The following ACADL variants were observed in gnomAD, a reference collection of about 807,000 sequenced individuals.
The protein encoded by ACADL is acyl-CoA dehydrogenase long chain, also known as long-chain specific acyl-CoA dehydrogenase, mitochondrial.
A neutral mutation model predicts 56.9 loss-of-function variants in ACADL; 60 were observed. That is an observed-to-expected ratio of 1.05 (90% CI 0.86 to 1.31). The LOEUF (loss-of-function observed/expected upper bound fraction) is 1.31. ACADL is among the 50% of genes most tolerant of loss of function. The probability of loss-of-function intolerance (pLI) is 0.00; values close to 1 mark genes in which losing one functional copy is unlikely to be tolerated. For synonymous variants in ACADL, 158 were observed against 179.7 expected (o/e 0.88, Z 0.97); for missense variants, 484 against 525.5 (o/e 0.92, Z 0.77).
chr2:210,218,397 C>A (rs1308781089), intron 2 of ACADL: 3 of 342,752 alleles, frequency 8.8e-6, no homozygotes, highest in Middle Eastern at 9.5e-4. Flanking sequence ...CCTCCCACCT[C>A]AGCCTCTTGA....
intron 5 of ACADL, among the ~76,000 whole-genome samples, chr2:210,208,932 A>C (rs1407457418): frequency 6.6e-6 from 1 of 152,192 alleles, no homozygotes; most frequent in East Asian, 1.9e-4. Flanking sequence ...GGTTCCCACA[A>C]AACCCTATGG....
At chr2:210,206,062 G>A (rs1473599549) in intron 5 of ACADL, among the ~76,000 whole-genome samples, 1 of 151,956 alleles carries the variant, frequency 6.6e-6, no homozygotes, top group African/African-American at 2.4e-5. Context: ...ATAATAAACA[G>A]AGATTATTAT....
chr2:210,213,793 G>A (rs1335747652), intron 4 of ACADL, among the ~76,000 whole-genome samples: 1 of 151,968 alleles, frequency 6.6e-6, no homozygotes, highest in African/African-American at 2.4e-5. Context: ...CTATGAACTT[G>A]GTCAAAATAC....
rs1436635910 is a variant in ACADL, at chr2:210,188,767, G to A, written c.*194C>T. The A allele has an allele frequency of 3.8e-6, 2 of 524,930 alleles. No individual in the cohort carries two copies. The highest frequency in any genetic ancestry group is 6.8e-6 in the Non-Finnish European group (2 of 294,430). 32.5% of individuals were successfully genotyped at this position (524,930 alleles called of 1,614,324 possible). On this transcript the variant is annotated 3_prime_UTR_variant, in exon 11 of 11. Coordinates refer to ENST00000233710, the MANE Select transcript of ACADL (RefSeq NM_001608.4). ...AAAACTGTAAGTTAAACCTTATATTGGAAAACTAGAATTTTGGCTTCAAAG... is the reference window on the plus strand; with the variant it reads ...AAAACTGTAAGTTAAACCTTATATTAGAAAACTAGAATTTTGGCTTCAAAG...
At chr2:210,210,982 TAACA>T (rs1178143864) in intron 4 of ACADL, among the ~76,000 whole-genome samples, 2 of 152,186 alleles carry the variant, frequency 1.3e-5, no homozygotes, top group South Asian at 2.1e-4. Context: ...CATTTTTTTC[TAACA>T]AACCTGCTCT....
chr2:210,220,114 T>C (rs893837559), intron 2 of ACADL, among the ~76,000 whole-genome samples: 2 of 152,210 alleles, frequency 1.3e-5, no homozygotes, highest in Admixed American at 6.5e-5. Flanking sequence ...TTTTGACTTA[T>C]GATATTTTCA....
intron 7 of ACADL, among the ~76,000 whole-genome samples, chr2:210,203,857 T>C (rs936467109): frequency 1.3e-5 from 2 of 152,172 alleles, no homozygotes; most frequent in African/African-American, 4.8e-5. Flanking sequence ...GTCTTCATTA[T>C]ATATATGCAA....
At chr2:210,214,899 T>G (rs746532418) in intron 4 of ACADL, among the ~76,000 whole-genome samples, 2 of 152,194 alleles carry the variant, frequency 1.3e-5, no homozygotes, top group African/African-American at 2.4e-5. Context: ...TTTGACAAAA[T>G]TGTTAGTATT....
At chr2:210,222,996 C>T (rs978865209) in intron 1 of ACADL, among the ~76,000 whole-genome samples, 3 of 151,618 alleles carry the variant, frequency 2.0e-5, no homozygotes, top group South Asian at 2.1e-4. Flanking sequence ...TGTAAGACAC[C>T]GAATCATTTG....
intron 7 of ACADL, 133 bp downstream of exon 7, chr2:210,204,448 C>A: frequency 1.4e-6 from 1 of 697,832 alleles, no homozygotes; most frequent in Non-Finnish European, 2.5e-6. Flanking sequence ...AACTTTAATA[C>A]TCAAATGATT....
At position 210,203,423 on chromosome 2, in the gene ACADL, C is replaced by T; in HGVS notation, c.892G>A (p.Val298Met). Residue 298 changes from valine to methionine, a missense_variant, in exon 8 of 11, where the codon GTG becomes ATG. Val to Met is a conservative substitution (Grantham distance 21, BLOSUM62 1). Coordinates refer to ENST00000233710, the MANE Select transcript of ACADL (RefSeq NM_001608.4). ...ATGAATTCACTAGCTGAAATTGCCACATCAGCAATTAACAGCCTTTCCTAT... is the reference window on the plus strand; with the variant it reads ...ATGAATTCACTAGCTGAAATTGCCATATCAGCAATTAACAGCCTTTCCTAT... ...LPQERLLIAD[V>M]AISASEFMFE... 1.2e-6 allele frequency: 2 copies of T among 1,612,952 alleles called. No homozygotes were observed. The highest frequency in any genetic ancestry group is 1.7e-6 in the Non-Finnish European group (2 of 1,179,322).
At chr2:210,190,101 G>A (rs1404835733) in intron 10 of ACADL, among the ~76,000 whole-genome samples, 1 of 151,540 alleles carries the variant, frequency 6.6e-6, no homozygotes, top group East Asian at 1.9e-4. Flanking sequence ...CAAATTAAAT[G>A]TGCCAGCTCT....
intron 10 of ACADL, 126 bp downstream of exon 10, chr2:210,192,678 C>CT (rs1688652751): frequency 1.4e-6 from 1 of 719,886 alleles, no homozygotes; most frequent in Non-Finnish European, 2.4e-6. Flanking sequence ...TACATTTTGT[C>CT]TGTATTCAGC....
intron 8 of ACADL, among the ~76,000 whole-genome samples, chr2:210,198,190 C>A (rs992693199): frequency 6.6e-6 from 1 of 152,082 alleles, no homozygotes; most frequent in African/African-American, 2.4e-5. Context: ...TGGATGGAGT[C>A]TTTTTCAGAG....
chr2:210,214,253 T>A (rs1052820960), intron 4 of ACADL, among the ~76,000 whole-genome samples: 6 of 152,010 alleles, frequency 3.9e-5, no homozygotes, highest in Non-Finnish European at 8.8e-5. Flanking sequence ...TGAACCATAT[T>A]CCATCTTCTA....
chr2:210,188,528 C>T lies in ACADL; in HGVS notation c.*433G>A, dbSNP rs1688582061. 5.9e-6 allele frequency: 1 copy of T among 170,614 alleles called. No homozygotes were observed. Among genetic ancestry groups the T allele is most frequent in the Admixed American group, 5.8e-5 (1 of 17,154 alleles). 10.6% of individuals were successfully genotyped at this position (170,614 alleles called of 1,614,324 possible). On this transcript the variant is annotated 3_prime_UTR_variant, in exon 11 of 11. Transcript: ENST00000233710. ...AACCACTGTTCTAGGGAATTTGGAG[C>T]AAATGGTAGCCGAAATGAGTTTACA...
chr2:210,224,844 A>C, intron 1 of ACADL: 1 of 1,035,370 alleles, frequency 9.7e-7, no homozygotes, highest in Non-Finnish European at 1.2e-6. Context: ...CCTCCTCCCA[A>C]AACGCAGGCT....
At chr2:210,195,936 C>G (rs1160758311) in intron 8 of ACADL, among the ~76,000 whole-genome samples, 1 of 152,144 alleles carries the variant, frequency 6.6e-6, no homozygotes, top group Non-Finnish European at 1.5e-5. Flanking sequence ...GTACCCTCAT[C>G]CTCTTTCATC....
At chr2:210,204,168 G>A (rs991486414) in intron 7 of ACADL, among the ~76,000 whole-genome samples, 7 of 152,156 alleles carry the variant, frequency 4.6e-5, no homozygotes, top group African/African-American at 1.4e-4. Context: ...CTGACCCTAT[G>A]TGGCTAAAAC....
Sources: allele counts gnomAD v4.1 joint callset (sites outside exome capture counted in the v4.1 genomes callset), GRCh38; gene constraint gnomAD v4.1.1; transcripts MANE v1.5; gene names NCBI Gene and HGNC (gene_info 2026-07-23, HGNC 2026-07-21).